Variants in RIMS2 observed in about 807,000 individuals in gnomAD.
RIMS2 encodes regulating synaptic membrane exocytosis 2.
Under a neutral mutation model 174.4 loss-of-function variants are expected in RIMS2, and 59 were observed. The ratio of observed to expected loss-of-function variants is 0.34; its 90% CI spans 0.27 to 0.42. The LOEUF (loss-of-function observed/expected upper bound fraction) is 0.42. Among genes scored for constraint, RIMS2 ranks in the 10% least tolerant of loss-of-function variants. RIMS2 has a pLI of 1.00. For missense variants in RIMS2, 1,620 were observed against 1,666.3 expected (o/e 0.97, Z 0.48); for synonymous variants, 606 against 572.5 (o/e 1.06, Z -0.84).
At chr8:104,122,375 A>C (rs2132403141) in intron 19 of RIMS2, among the ~76,000 whole-genome samples, 1 of 152,218 alleles carries the variant, frequency 6.6e-6, no homozygotes, top group South Asian at 2.1e-4. Flanking sequence ...GAGCATGCAG[A>C]GTTCTAGGGC....
chr8:104,090,029 A>C (rs1288778939), intron 19 of RIMS2, among the ~76,000 whole-genome samples: 1 of 150,816 alleles, frequency 6.6e-6, no homozygotes, highest in Non-Finnish European at 1.5e-5. Context: ...TTGAAAATTA[A>C]ACATGAACAC....
At chr8:103,609,243 G>A (rs1431530485) in intron 1 of RIMS2, among the ~76,000 whole-genome samples, 1 of 152,010 alleles carries the variant, frequency 6.6e-6, no homozygotes. Context: ...TTTTTTATAG[G>A]TGCTGAATAT....
intron 2 of RIMS2, among the ~76,000 whole-genome samples, chr8:103,723,455 T>C (rs77389055): frequency 0.12 from 18,903 of 152,252 alleles, 1,276 homozygotes; most frequent in Middle Eastern, 0.22. Flanking sequence ...GTGGGTCAGA[T>C]GGCTTGGTAC....
intron 1 of RIMS2, 112 bp downstream of exon 3, chr8:103,652,822 G>C (rs2096476343): frequency 1.8e-6 from 1 of 555,520 alleles, no homozygotes; most frequent in East Asian, 6.8e-5. Flanking sequence ...AAGGAAAATT[G>C]TTCGGTTAGG....
chr8:103,833,029 T>C (rs2154480408), intron 3 of RIMS2, among the ~76,000 whole-genome samples: 1 of 152,344 alleles, frequency 6.6e-6, no homozygotes. Context: ...TAATATTACT[T>C]GAAATGCAGA....
At chr8:104,004,153 G>A (rs1159577185) in intron 17 of RIMS2, among the ~76,000 whole-genome samples, 3 of 152,164 alleles carry the variant, frequency 2.0e-5, no homozygotes, top group African/African-American at 7.2e-5. Flanking sequence ...CAGGAACAGA[G>A]TAAACAATTT....
chr8:103,757,590 A>G (rs1248015016), intron 2 of RIMS2, among the ~76,000 whole-genome samples: 1 of 152,146 alleles, frequency 6.6e-6, no homozygotes, highest in African/African-American at 2.4e-5. Flanking sequence ...GGCCCCTCTA[A>G]AGATAACCAT....
intron 19 of RIMS2, among the ~76,000 whole-genome samples, chr8:104,020,464 T>C (rs2096059857): frequency 6.6e-6 from 1 of 152,064 alleles, no homozygotes; most frequent in Admixed American, 6.5e-5. Context: ...TATCCAGTAT[T>C]TAAAATGTCT....
intron 16 of RIMS2, among the ~76,000 whole-genome samples, chr8:103,987,384 A>G (rs2154550037): frequency 6.6e-6 from 1 of 152,294 alleles, no homozygotes; most frequent in East Asian, 1.9e-4. Flanking sequence ...TGTTATGGTA[A>G]TTCATCATAT....
At chr8:104,241,185 C>T (rs2139841397) in intron 19 of RIMS2, among the ~76,000 whole-genome samples, 1 of 152,270 alleles carries the variant, frequency 6.6e-6, no homozygotes, top group South Asian at 2.1e-4. Flanking sequence ...GACAGCTGCA[C>T]AAGCTCCCCA....
In RIMS2 at chr8:104,246,761, C is replaced by T. The variant is rs540264772; in HGVS notation, c.3476+1704C>T. On this transcript the variant is annotated intron_variant, in intron 20 of 23. Coordinates refer to ENST00000504942, the Ensembl canonical transcript of RIMS2. ...CTAGAATGAAGATTGCTTCAGAGGCCCTGAAGCAGGAGCTGGCCTGGTGTC... is the reference window on the plus strand; with the variant it reads ...CTAGAATGAAGATTGCTTCAGAGGCTCTGAAGCAGGAGCTGGCCTGGTGTC... Among the ~76,000 whole-genome samples the T allele has an allele frequency of 3.0e-4, 46 of 151,986 alleles. 1 individual carries two copies. The highest frequency in any genetic ancestry group is 3.4e-3 in the Middle Eastern group (1 of 294).
intron 19 of RIMS2, among the ~76,000 whole-genome samples, chr8:104,054,612 C>A (rs1276373581): frequency 1.3e-5 from 2 of 151,978 alleles, no homozygotes; most frequent in African/African-American, 4.8e-5. Context: ...TAATTCATAA[C>A]CCAAGTGTAT....
At chr8:104,071,803 C>T (rs28588728) in intron 19 of RIMS2, among the ~76,000 whole-genome samples, 1 of 151,954 alleles carries the variant, frequency 6.6e-6, no homozygotes, top group Non-Finnish European at 1.5e-5. Context: ...AATTACTGCT[C>T]TAAGGTGAAG....
chr8:103,920,634 C>T, intron 9 of RIMS2: 1 of 457,014 alleles, frequency 2.2e-6, no homozygotes, highest in Non-Finnish European at 4.4e-6. Flanking sequence ...ATTGGATGTC[C>T]CAGAGGTGTT....
At chr8:104,148,076 C>T (rs2098657551) in intron 19 of RIMS2, among the ~76,000 whole-genome samples, 1 of 151,276 alleles carries the variant, frequency 6.6e-6, no homozygotes, top group Admixed American at 6.6e-5. Context: ...ATGAAAATAG[C>T]AAGCCTTTTT....
chr8:104,016,398 A>C (rs908307381), intron 19 of RIMS2, among the ~76,000 whole-genome samples: 2 of 152,176 alleles, frequency 1.3e-5, no homozygotes, highest in African/African-American at 4.8e-5. Context: ...TTATACCCTT[A>C]TATAACTTGT....
At position 103,888,077 on chromosome 8, in the gene RIMS2, A is replaced by T. The variant is rs188225304; in HGVS notation, c.1624+1854A>T. Among the ~76,000 whole-genome samples the T allele has an allele frequency of 5.9e-4, 89 of 151,664 alleles. No individual in the cohort carries two copies. The East Asian group carries it at 0.01, about 17-fold the overall frequency. On this transcript the variant is annotated intron_variant, in intron 4 of 23. Coordinates refer to ENST00000504942, the Ensembl canonical transcript of RIMS2. ...TGAGGGAGAACTCACTTGACCAGATAGTATAAAATGACAATAATTGAAAAT... is the reference window on the plus strand; with the variant it reads ...TGAGGGAGAACTCACTTGACCAGATTGTATAAAATGACAATAATTGAAAAT...
intron 17 of RIMS2, among the ~76,000 whole-genome samples, chr8:103,991,964 A>G (rs954667798): frequency 1.3e-5 from 2 of 152,208 alleles, no homozygotes; most frequent in Non-Finnish European, 2.9e-5. Context: ...CTCCAATTGT[A>G]TAGTAGGTAT....
chr8:104,062,925 A>T (rs150884503), intron 19 of RIMS2, among the ~76,000 whole-genome samples: 1 of 152,090 alleles, frequency 6.6e-6, no homozygotes, highest in Non-Finnish European at 1.5e-5. Flanking sequence ...AAAATTTTTT[A>T]AAATATGTCT....
Sources: allele counts gnomAD v4.1 joint callset (sites outside exome capture counted in the v4.1 genomes callset), GRCh38; gene constraint gnomAD v4.1.1; transcripts MANE v1.5; gene names NCBI Gene and HGNC (gene_info 2026-07-23, HGNC 2026-07-21).